DSCAM: variants seen among roughly 807,000 people sequenced by gnomAD.
DSCAM encodes the protein cell adhesion molecule DSCAM.
DSCAM carries 47 observed loss-of-function variants against 217.7 expected under a neutral mutation model. That is an observed-to-expected ratio of 0.22 (90% confidence interval 0.17 to 0.28). The LOEUF (loss-of-function observed/expected upper bound fraction) is 0.28. Ranked by LOEUF, DSCAM falls within the 10% of genes least tolerant of loss-of-function variation. The probability of loss-of-function intolerance (pLI) is 1.00; values close to 1 mark genes in which losing one functional copy is unlikely to be tolerated. For missense variants in DSCAM, 2,080 were observed against 2,618.3 expected (o/e 0.79, Z 4.49); for synonymous variants, 1,056 against 1,015.3 (o/e 1.04, Z -0.76).
At chr21:40,557,111 T>A (rs1369610677) in intron 3 of DSCAM, among the ~76,000 whole-genome samples, 2 of 152,074 alleles carry the variant, frequency 1.3e-5, no homozygotes, top group Admixed American at 1.3e-4. Flanking sequence ...GTCAACTGTA[T>A]ATCAATATTT....
At chr21:40,242,232 C>A (rs1009319099) in intron 11 of DSCAM, among the ~76,000 whole-genome samples, 1 of 151,684 alleles carries the variant, frequency 6.6e-6, no homozygotes, top group African/African-American at 2.4e-5. Context: ...GATGAACGGT[C>A]AAAATAATCA....
Position 40,312,341 on chromosome 21 carries a change from G to C in DSCAM, c.1802C>G (p.Pro601Arg), listed in dbSNP as rs949602080. ...VTVKVPPFIQ[P>R]FEFPRFSIGQ... ...AATGGAGAATCTTGGAAACTCAAAGGGTTGTATGAAAGGCGGAACTGCAAG... is the reference window on the plus strand; with the variant it reads ...AATGGAGAATCTTGGAAACTCAAAGCGTTGTATGAAAGGCGGAACTGCAAG... The change falls in exon 9 of 33, where the codon CCC becomes CGC. Residue 601 changes from proline (P) to arginine (R), a missense_variant. Transcript: ENST00000400454. 5.0e-6 allele frequency: 8 copies of C among 1,613,514 alleles called. No homozygotes were observed. Among genetic ancestry groups the C allele is most frequent in the Non-Finnish European group, 6.8e-6 (8 of 1,179,714 alleles).
At chr21:40,250,666 G>A (rs1189760968) in intron 11 of DSCAM, among the ~76,000 whole-genome samples, 1 of 152,180 alleles carries the variant, frequency 6.6e-6, no homozygotes, top group East Asian at 1.9e-4. Flanking sequence ...ACACTTTCCT[G>A]AAGTGGCAGC....
At chr21:40,764,584 G>C (rs1003868512) in intron 1 of DSCAM, among the ~76,000 whole-genome samples, 40 of 152,110 alleles carry the variant, frequency 2.6e-4, no homozygotes, top group African/African-American at 9.4e-4. Context: ...ATTTGACCCA[G>C]CAATCCCATT....
At chr21:40,286,269 C>T (rs771467173) in intron 10 of DSCAM, among the ~76,000 whole-genome samples, 1 of 152,136 alleles carries the variant, frequency 6.6e-6, no homozygotes, top group Admixed American at 6.5e-5. Context: ...TTTCTCAGAA[C>T]AGGGATGCAA....
chr21:40,079,337 G>A (rs2254583), intron 25 of DSCAM, among the ~76,000 whole-genome samples: 21,402 of 152,116 alleles, frequency 0.14, 1,691 homozygotes, highest in Admixed American at 0.24. Context: ...TTCAAGAGAA[G>A]ACAGAGTTGG....
chr21:40,656,992 A>C (rs76259453), intron 3 of DSCAM, among the ~76,000 whole-genome samples: 1 of 152,250 alleles, frequency 6.6e-6, no homozygotes, highest in African/African-American at 2.4e-5. Flanking sequence ...CTTGAACCAT[A>C]GTATGTCTAT....
In DSCAM at chr21:40,688,040, C is replaced by A. The variant is rs547357416; in HGVS notation, c.508+4770G>T. Among the ~76,000 whole-genome samples, 17 of 152,294 alleles carry A rather than the reference C, an allele frequency of 1.1e-4. 1 individual carries two copies. The Middle Eastern group carries it at 0.01, about 91-fold the overall frequency. On this transcript the variant is annotated intron_variant, in intron 3 of 32. Coordinates refer to ENST00000400454, the MANE Select transcript of DSCAM (RefSeq NM_001389.5). The stretch of plus-strand genomic sequence containing the variant: ...AGCCAAAATACAGAAAGAAGATAAT[C>A]ATCCTTCGACCTGAACTCAATGATC...
At chr21:40,771,947 C>A (rs897075145) in intron 1 of DSCAM, among the ~76,000 whole-genome samples, 3 of 152,032 alleles carry the variant, frequency 2.0e-5, no homozygotes. Context: ...AATCTTTATG[C>A]GAATTTTATT....
intron 11 of DSCAM, among the ~76,000 whole-genome samples, chr21:40,231,893 T>C (rs1162487785): frequency 6.6e-6 from 1 of 152,200 alleles, no homozygotes; most frequent in Admixed American, 6.5e-5. Flanking sequence ...CCTCCTCTTT[T>C]GTGATCAAAT....
intron 2 of DSCAM, among the ~76,000 whole-genome samples, chr21:40,694,932 CAGAG>C (rs2090580223): frequency 6.6e-6 from 1 of 152,106 alleles, no homozygotes. Context: ...AAGCAGAAGA[CAGAG>C]AGGAGAAGAG....
Position 40,528,525 on chromosome 21 carries a change from T to C in DSCAM, c.509-159280A>G, listed in dbSNP as rs528328905. Among the ~76,000 whole-genome samples, 402 of 152,324 alleles carry C rather than the reference T, an allele frequency of 2.6e-3. 1 individual carries two copies. The highest frequency in any genetic ancestry group is 9.4e-3 in the African/African-American group (391 of 41,574). On this transcript the variant is annotated intron_variant, in intron 3 of 32. Transcript: ENST00000400454. ...CCTTCCAGTAAATACTGGATATTGC[T>C]CTTCCTTGAGCCAAGAATTTCTTCT...
At chr21:40,373,714 G>T (rs946248091) in intron 3 of DSCAM, among the ~76,000 whole-genome samples, 1 of 152,172 alleles carries the variant, frequency 6.6e-6, no homozygotes, top group East Asian at 1.9e-4. Flanking sequence ...CAAATTAAAA[G>T]ATTTTCCCTG....
chr21:40,142,111 C>G (rs1190819950), intron 18 of DSCAM, among the ~76,000 whole-genome samples: 1 of 152,158 alleles, frequency 6.6e-6, no homozygotes, highest in East Asian at 1.9e-4. Context: ...TGAGTGCCCC[C>G]CTCCATGTGC....
At chr21:40,105,211 T>C (rs182825264) in intron 20 of DSCAM, among the ~76,000 whole-genome samples, 57 of 152,308 alleles carry the variant, frequency 3.7e-4, no homozygotes, top group African/African-American at 1.4e-3. Flanking sequence ...TTATAGCAAT[T>C]GAATGATTTC....
At chr21:40,243,062 T>A (rs191509018) in intron 11 of DSCAM, among the ~76,000 whole-genome samples, 139 of 152,332 alleles carry the variant, frequency 9.1e-4, no homozygotes, top group African/African-American at 3.2e-3. Context: ...TAATGATATC[T>A]GAGTCTCCCA....
chr21:40,364,409 T>C (rs1164489655), intron 4 of DSCAM, among the ~76,000 whole-genome samples: 1 of 151,656 alleles, frequency 6.6e-6, no homozygotes, highest in Non-Finnish European at 1.5e-5. Flanking sequence ...ACCATCATTC[T>C]CAGCAAACTG....
chr21:40,544,321 T>G (rs1413345918), intron 3 of DSCAM, among the ~76,000 whole-genome samples: 4 of 152,120 alleles, frequency 2.6e-5, no homozygotes, highest in Non-Finnish European at 5.9e-5. Flanking sequence ...CTGTACTAAG[T>G]TGAGCGGTGT....
At chr21:40,496,007 G>A (rs535884609) in intron 3 of DSCAM, among the ~76,000 whole-genome samples, 12 of 151,926 alleles carry the variant, frequency 7.9e-5, no homozygotes, top group Non-Finnish European at 1.5e-4. Flanking sequence ...TAAAAACTAC[G>A]ACATTGTTAA....
Sources: gnomAD v4.1 joint callset for allele counts (sites outside exome capture counted in the v4.1 genomes callset) on GRCh38, gnomAD v4.1.1 for gene constraint, MANE v1.5 for transcripts, NCBI Gene and HGNC (gene_info 2026-07-23, HGNC 2026-07-21) for gene names.